Variants in CREG2 observed in about 807,000 individuals in gnomAD.
CREG2 encodes the protein protein CREG2.
CREG2 carries 24 observed loss-of-function variants against 26.2 expected under a neutral mutation model. The observed-to-expected ratio is 0.92, with a 90% CI of 0.66 to 1.29. The LOEUF is 1.29. CREG2 is among the 50% of genes most tolerant of loss of function. CREG2 has a pLI of 0.00. For synonymous variants in CREG2, 174 were observed against 169.2 expected (o/e 1.03, Z -0.22); for missense variants, 366 against 398.6 (o/e 0.92, Z 0.70).
intron 2 of CREG2, among the ~76,000 whole-genome samples, chr2:101,373,552 G>GTCACATGA (rs1684744133): frequency 1.3e-5 from 2 of 152,296 alleles, no homozygotes; most frequent in Middle Eastern, 3.4e-3. Flanking sequence ...TGTCATTTCT[G>GTCACATGA]CTTAAGATGG....
chr2:101,383,804 GA>G (rs1267579840), intron 1 of CREG2, 102 bp from the exon 2 acceptor site: 6 of 1,105,142 alleles, frequency 5.4e-6, no homozygotes, highest in South Asian at 1.6e-5. Context: ...CACCAGGGAT[GA>G]GGGGGGATCA....
At chr2:101,357,054 A>G (rs1684473124) in intron 2 of CREG2, among the ~76,000 whole-genome samples, 1 of 152,036 alleles carries the variant, frequency 6.6e-6, no homozygotes, top group East Asian at 1.9e-4. Flanking sequence ...ACGCCCGGCT[A>G]ATTTTTGTAG....
At chr2:101,382,914 C>T (rs1558822321) in intron 2 of CREG2, 1 of 985,726 alleles carries the variant, frequency 1.0e-6, no homozygotes. Flanking sequence ...CAGCTCCATG[C>T]AGACATTTCC....
At position 101,387,238 on chromosome 2, in the gene CREG2, A is replaced by T. The variant is rs369736536; in HGVS notation, c.220T>A (p.Phe74Ile). The T allele has an allele frequency of 3.5e-6, 5 of 1,436,288 alleles. No homozygotes were observed. In the African/African-American group the frequency reaches 7.3e-5, roughly 21 times the overall value. 89.0% of individuals were successfully genotyped at this position (1,436,288 alleles called of 1,614,324 possible). ...EDSGSIWQQS[F>I]PASAHKEDAH... ...TCCTCCTTGTGGGCAGAGGCGGGGA[A>T]GCTTTGCTGCCAGATGCTGCCCGAA... Residue 74 changes from phenylalanine to isoleucine, a missense_variant, in exon 1 of 4, where the codon TTC becomes ATC. Coordinates refer to ENST00000324768, the MANE Select transcript of CREG2 (RefSeq NM_153836.4). The surrounding 1 kb of genome is among the most constrained non-coding windows in gnomAD (Gnocchi z 4.7).
intron 2 of CREG2, among the ~76,000 whole-genome samples, chr2:101,357,924 C>T (rs1684485678): frequency 2.0e-5 from 3 of 149,754 alleles, no homozygotes; most frequent in African/African-American, 7.4e-5. Flanking sequence ...TTGCAGTGAG[C>T]CACGATTGCA....
At chr2:101,353,928 A>T (rs1010092915) in intron 3 of CREG2, among the ~76,000 whole-genome samples, 1 of 152,178 alleles carries the variant, frequency 6.6e-6, no homozygotes, top group Non-Finnish European at 1.5e-5. Context: ...GAACACATGG[A>T]CACAGGGAGG....
Position 101,348,151 on chromosome 2 carries a change from A to G in CREG2, c.*2772T>C, listed in dbSNP as rs1317322358. ...ATTTCTAGATTCCCTATTCTGTTCCATCAATGTGTTTCTATGCCTCCACCA... is the reference window on the plus strand; with the variant it reads ...ATTTCTAGATTCCCTATTCTGTTCCGTCAATGTGTTTCTATGCCTCCACCA... On this transcript the variant is annotated 3_prime_UTR_variant, in exon 4 of 4. Coordinates refer to ENST00000324768, the MANE Select transcript of CREG2 (RefSeq NM_153836.4). 2 of 152,186 alleles carry G rather than the reference A, an allele frequency of 1.3e-5. No homozygotes were observed. Among genetic ancestry groups the G allele is most frequent in the South Asian group, 2.1e-4 (1 of 4,834 alleles). 9.4% of individuals were successfully genotyped at this position (152,186 alleles called of 1,614,324 possible). A position where few individuals can be genotyped will look rare whatever the true frequency, so the allele number is the denominator to read the frequency against.
intron 3 of CREG2, among the ~76,000 whole-genome samples, chr2:101,354,742 A>G (rs770683229): frequency 6.6e-6 from 1 of 152,114 alleles, no homozygotes; most frequent in Non-Finnish European, 1.5e-5. Context: ...TTTAGCATGC[A>G]TATCAATTTC....
chr2:101,362,143 A>G (rs916214047), intron 2 of CREG2, among the ~76,000 whole-genome samples: 1 of 152,170 alleles, frequency 6.6e-6, no homozygotes, highest in Non-Finnish European at 1.5e-5. Flanking sequence ...CTTGCTGAGG[A>G]CTTCCAGAGT....
At chr2:101,382,841 C>A in intron 2 of CREG2, 2 of 985,486 alleles carry the variant, frequency 2.0e-6, no homozygotes, top group South Asian at 4.7e-5. Flanking sequence ...TCACCCCAGG[C>A]CATCCTGGGC....
intron 2 of CREG2, among the ~76,000 whole-genome samples, chr2:101,376,506 C>A (rs1254173764): frequency 6.6e-6 from 1 of 152,164 alleles, no homozygotes; most frequent in Non-Finnish European, 1.5e-5. Context: ...TCTTGAACTC[C>A]TGACATCAAG....
chr2:101,369,548 A>T (rs911015730), intron 2 of CREG2, among the ~76,000 whole-genome samples: 7 of 152,184 alleles, frequency 4.6e-5, no homozygotes, highest in African/African-American at 1.7e-4. Flanking sequence ...TAGAGCAGGA[A>T]GAGGTGTAGA....
chr2:101,384,291 T>C (rs1441578294), intron 1 of CREG2, among the ~76,000 whole-genome samples: 1 of 152,240 alleles, frequency 6.6e-6, no homozygotes, highest in African/African-American at 2.4e-5. Flanking sequence ...CAGCAAGTTA[T>C]GAGAAATTGA....
At chr2:101,368,791 T>C (rs1431386329) in intron 2 of CREG2, among the ~76,000 whole-genome samples, 2 of 152,168 alleles carry the variant, frequency 1.3e-5, no homozygotes, top group Non-Finnish European at 2.9e-5. Flanking sequence ...TTGCCCCAAG[T>C]GAGGGCACAG....
At chr2:101,357,957 A>G in intron 2 of CREG2, among the ~76,000 whole-genome samples, 1 of 137,796 alleles carries the variant, frequency 7.3e-6, no homozygotes, top group East Asian at 2.3e-4. Flanking sequence ...AGCCTGGGCG[A>G]CAGAGCGAGA....
chr2:101,368,942 C>T (rs2104478080), intron 2 of CREG2, among the ~76,000 whole-genome samples: 1 of 152,288 alleles, frequency 6.6e-6, no homozygotes, highest in South Asian at 2.1e-4. Flanking sequence ...TATTTTGTTA[C>T]TGTTATTTGC....
intron 2 of CREG2, among the ~76,000 whole-genome samples, chr2:101,376,424 C>T (rs996177998): frequency 6.6e-6 from 1 of 152,012 alleles, no homozygotes; most frequent in Admixed American, 6.6e-5. Context: ...ACTACCGGCC[C>T]CCACCACCAA....
intron 2 of CREG2, among the ~76,000 whole-genome samples, chr2:101,367,862 C>A (rs1002583021): frequency 2.6e-5 from 4 of 152,206 alleles, no homozygotes; most frequent in African/African-American, 9.6e-5. Flanking sequence ...AAGGAATGCA[C>A]GCGGCCTCTA....
At chr2:101,360,670 G>A (rs995114140) in intron 2 of CREG2, among the ~76,000 whole-genome samples, 5 of 151,786 alleles carry the variant, frequency 3.3e-5, no homozygotes, top group Non-Finnish European at 5.9e-5. Flanking sequence ...CCTGGGAGAC[G>A]GAAGTTGCAG....
Sources: allele counts gnomAD v4.1 joint callset (sites outside exome capture counted in the v4.1 genomes callset), GRCh38; gene constraint gnomAD v4.1.1; non-coding constraint Gnocchi (gnomAD v3.1); transcripts MANE v1.5; gene names NCBI Gene and HGNC (gene_info 2026-07-23, HGNC 2026-07-21).